The following SIGLEC15 variants were observed in gnomAD, a reference collection of about 807,000 sequenced individuals.
SIGLEC15 encodes the protein sialic acid-binding Ig-like lectin 15.
Under a neutral mutation model 26.2 loss-of-function variants are expected in SIGLEC15, and 31 were observed. The observed-to-expected ratio is 1.18, with a 90% CI of 0.89 to 1.60. The LOEUF (loss-of-function observed/expected upper bound fraction) is 1.60. SIGLEC15 is among the 40% of genes most tolerant of loss of function. The pLI, the probability that SIGLEC15 is intolerant of heterozygous loss-of-function variation, is 0.00. For synonymous variants in SIGLEC15, 207 were observed against 221.9 expected (o/e 0.93, Z 0.60); for missense variants, 501 against 488.4 (o/e 1.03, Z -0.24).
At chr18:45,834,777 G>A (rs1367251144) in intron 1 of SIGLEC15, among the ~76,000 whole-genome samples, 2 of 152,196 alleles carry the variant, frequency 1.3e-5, no homozygotes, top group Non-Finnish European at 1.5e-5. Flanking sequence ...ATGCACGATA[G>A]CAAATAATAT....
At chr18:45,838,656 G>A (rs2048296011) in intron 3 of SIGLEC15, 62 bp from the exon 4 acceptor site, 2 of 1,458,370 alleles carry the variant, frequency 1.4e-6, no homozygotes, top group African/African-American at 1.5e-5. Flanking sequence ...CTCCGGCTCT[G>A]GCGTCCAAAG....
Position 45,842,438 on chromosome 18 carries a change from TGTGTGAGAGAGAGA to T in SIGLEC15, c.*253_*266del, listed in dbSNP as rs982821258. 1 of 494,662 alleles carries T rather than the reference TGTGTGAGAGAGAGA, an allele frequency of 2.0e-6. No homozygotes were observed. Among genetic ancestry groups the T allele is most frequent in the African/African-American group, 2.1e-5 (1 of 46,656 alleles). The allele number at this position is 494,662 out of a possible 1,614,324, so 30.6% of individuals were successfully genotyped here. On this transcript the variant is annotated 3_prime_UTR_variant, in exon 6 of 6. Coordinates refer to ENST00000389474, the MANE Select transcript of SIGLEC15 (RefSeq NM_213602.3). Reference sequence around the variant, plus strand: ...GTGCATACGTCTGTGTGTGTGTGTGTGTGTGAGAGAGAGAGAGAGAGAGTACACGCATTAGCTTG... The same window carrying T: ...GTGCATACGTCTGTGTGTGTGTGTGTGAGAGAGAGTACACGCATTAGCTTG...
At chr18:45,836,749 A>C (rs541971904) in intron 1 of SIGLEC15, among the ~76,000 whole-genome samples, 1 of 152,332 alleles carries the variant, frequency 6.6e-6, no homozygotes, top group South Asian at 2.1e-4. Context: ...ACTTGGGTAT[A>C]CCTGAATTCT....
Position 45,830,672 on chromosome 18 carries a change from G to A in SIGLEC15, c.52+4892G>A, listed in dbSNP as rs551076643. Among the ~76,000 whole-genome samples the A allele has an allele frequency of 2.1e-3, 267 of 125,830 alleles. 3 individuals carry two copies. Among genetic ancestry groups the A allele is most frequent in the African/African-American group, 7.9e-3 (260 of 32,778 alleles). The allele number at this position is 125,830 out of a possible 152,430, so 82.5% of individuals were successfully genotyped here. A position where few individuals can be genotyped will look rare whatever the true frequency, so the allele number is the denominator to read the frequency against. On this transcript the variant is annotated intron_variant, in intron 1 of 5. Transcript: ENST00000389474. ...ACCATCTCAGCTCACTGCAACCTCC[G>A]CCTCCCAGGTTCAAGCGAGTCTCCT... is the stretch of plus-strand genomic sequence containing the variant.
chr18:45,842,003 C>A, intron 5 of SIGLEC15, 103 bp from the exon 6 acceptor site: 1 of 1,077,388 alleles, frequency 9.3e-7, no homozygotes, highest in South Asian at 1.3e-5. Context: ...CCGCACTGCT[C>A]CCCAGAATGT....
At chr18:45,834,912 A>T (rs142590074) in intron 1 of SIGLEC15, among the ~76,000 whole-genome samples, 119 of 152,344 alleles carry the variant, frequency 7.8e-4, no homozygotes, top group African/African-American at 2.8e-3. Flanking sequence ...GATTGGAGAG[A>T]TGCTTTCTGC....
intron 2 of SIGLEC15, 58 bp downstream of exon 2, chr18:45,837,146 G>A (rs1371540415): frequency 1.2e-6 from 2 of 1,601,462 alleles, no homozygotes; most frequent in African/African-American, 1.3e-5. Flanking sequence ...TTTTAACCAC[G>A]AGATCCCAGG....
At chr18:45,835,980 T>C (rs780321971) in intron 1 of SIGLEC15, among the ~76,000 whole-genome samples, 9 of 152,200 alleles carry the variant, frequency 5.9e-5, no homozygotes, top group Non-Finnish European at 1.2e-4. Context: ...GAGAAAGCGA[T>C]GTGCACACAC....
At chr18:45,840,711 G>C (rs1054358901) in intron 5 of SIGLEC15, among the ~76,000 whole-genome samples, 1 of 152,322 alleles carries the variant, frequency 6.6e-6, no homozygotes, top group Admixed American at 6.5e-5. Flanking sequence ...TGGTGTTGAA[G>C]GAGAAAGAAC....
At chr18:45,831,736 C>T (rs2048236426) in intron 1 of SIGLEC15, among the ~76,000 whole-genome samples, 1 of 135,738 alleles carries the variant, frequency 7.4e-6, no homozygotes, top group Non-Finnish European at 1.5e-5. Context: ...TGTCCAGGTA[C>T]CAACATCTTT....
At chr18:45,836,498 C>A (rs1315464894) in intron 1 of SIGLEC15, among the ~76,000 whole-genome samples, 15 of 152,152 alleles carry the variant, frequency 9.9e-5, no homozygotes, top group Admixed American at 9.8e-4. Flanking sequence ...CCCTCTCCCC[C>A]AAAGCAGCAC....
intron 1 of SIGLEC15, among the ~76,000 whole-genome samples, chr18:45,827,543 G>A (rs2048195470): frequency 6.6e-6 from 1 of 152,204 alleles, no homozygotes. Context: ...GGGCAGGTCT[G>A]AAGCCCACCT....
intron 3 of SIGLEC15, among the ~76,000 whole-genome samples, chr18:45,838,191 A>G (rs1251502801): frequency 6.6e-6 from 1 of 152,214 alleles, no homozygotes; most frequent in African/African-American, 2.4e-5. Context: ...GGCGAGAAAG[A>G]CAAGTGAATG....
chr18:45,837,956 C>G (rs916265478), intron 3 of SIGLEC15, 60 bp downstream of exon 3: 11 of 1,420,178 alleles, frequency 7.7e-6, no homozygotes, highest in Non-Finnish European at 1.0e-5. Flanking sequence ...CTGCCCCGCC[C>G]CAAGGGCTAC....
At chr18:45,826,212 A>G (rs1243326901) in intron 1 of SIGLEC15, among the ~76,000 whole-genome samples, 1 of 151,820 alleles carries the variant, frequency 6.6e-6, no homozygotes, top group African/African-American at 2.4e-5. Context: ...GTGCTGATGC[A>G]TGGGAGGGGG....
rs746769095 is a variant in SIGLEC15 at position 45,837,718 on chromosome 18, G to A, written c.318G>A (p.Thr106=). 9 of 1,493,822 alleles carry A rather than the reference G, an allele frequency of 6.0e-6. No homozygotes were observed. The African/African-American group carries it at 8.7e-5, about 15-fold the overall frequency. 92.5% of individuals were successfully genotyped at this position (1,493,822 alleles called of 1,614,324 possible). ...AAARGSELCQ[T]ALSLHGRFRL... ...CGCGGGGCAGCGAGCTCTGCCAGAC[G>A]GCGCTGAGCCTGCACGGCCGCTTCC... Residue 106 remains threonine, a synonymous_variant, in exon 3 of 6, where the codon ACG becomes ACA. Transcript: ENST00000389474.
Position 45,837,809 on chromosome 18 carries a change from G to T in SIGLEC15, c.409G>T (p.Asp137Tyr). Residue 137 changes from aspartate to tyrosine, a missense_variant, in exon 3 of 6, where the codon GAC becomes TAC. Asp to Tyr is a radical substitution (Grantham distance 160). Coordinates refer to ENST00000389474, the MANE Select transcript of SIGLEC15 (RefSeq NM_213602.3). ...LRVERLALAD[D>Y]RRYFCRVEFA... ...CGTCGAGCGCCTCGCCCTGGCTGAC[G>T]ACCGCCGCTACTTCTGCCGCGTCGA... The T allele has an allele frequency of 1.6e-5, 25 of 1,526,402 alleles. No individual in the cohort carries two copies. Among genetic ancestry groups the T allele is most frequent in the Non-Finnish European group, 2.1e-5 (24 of 1,145,432 alleles). 94.6% of individuals were successfully genotyped at this position (1,526,402 alleles called of 1,614,324 possible). A position where few individuals can be genotyped will look rare whatever the true frequency, so the allele number is the denominator to read the frequency against.
Position 45,842,438 on chromosome 18 carries a change from TGTGTGA to T in SIGLEC15, c.*253_*258del, listed in dbSNP as rs1394354643. ...GTGCATACGTCTGTGTGTGTGTGTG[TGTGTGA>T]GAGAGAGAGAGAGAGAGTACACGCA... On this transcript the variant is annotated 3_prime_UTR_variant, in exon 6 of 6. Coordinates refer to ENST00000389474, the MANE Select transcript of SIGLEC15 (RefSeq NM_213602.3). The T allele has an allele frequency of 6.2e-5, 31 of 496,786 alleles. No homozygotes were observed. The highest frequency in any genetic ancestry group is 5.4e-4 in the Middle Eastern group (1 of 1,850). The allele number at this position is 496,786 out of a possible 1,614,324, so 30.8% of individuals were successfully genotyped here. A position where few individuals can be genotyped will look rare whatever the true frequency, so the allele number is the denominator to read the frequency against.
At chr18:45,836,233 G>A (rs953051637) in intron 1 of SIGLEC15, among the ~76,000 whole-genome samples, 3 of 152,148 alleles carry the variant, frequency 2.0e-5, no homozygotes, top group Non-Finnish European at 4.4e-5. Context: ...GTGTGACTCT[G>A]AGCCTTCATT....
Sources: allele counts gnomAD v4.1 joint callset (sites outside exome capture counted in the v4.1 genomes callset), GRCh38; gene constraint gnomAD v4.1.1; transcripts MANE v1.5; gene names NCBI Gene and HGNC (gene_info 2026-07-23, HGNC 2026-07-21).